GNB1L: variants seen among roughly 807,000 people sequenced by gnomAD.
GNB1L encodes the protein G protein subunit beta 1 like.
GNB1L carries 20 observed loss-of-function variants against 29.1 expected under a neutral mutation model. That is an observed-to-expected ratio of 0.69 (90% CI 0.48 to 1.00). GNB1L has a LOEUF of 1.00. GNB1L is among the 50% of genes least tolerant of loss of function. GNB1L has a pLI of 0.00. For synonymous variants in GNB1L, 193 were observed against 206.5 expected, an observed-to-expected ratio of 0.93 and a Z score of 0.56; for missense variants, 421 against 464.9, an observed-to-expected ratio of 0.91 and a Z score of 0.87.
intron 2 of GNB1L, chr22:19,846,499 C>A (rs1937964508): frequency 2.2e-5 from 22 of 985,332 alleles, no homozygotes; most frequent in South Asian, 1.4e-4. Flanking sequence ...CATGTGGAGA[C>A]CACAGAAGCC....
At chr22:19,835,976 A>G (rs1937758979) in intron 2 of GNB1L, among the ~76,000 whole-genome samples, 1 of 152,210 alleles carries the variant, frequency 6.6e-6, no homozygotes, top group South Asian at 2.1e-4. Context: ...TCTCCAAATC[A>G]ATGACCTGGT....
intron 2 of GNB1L, among the ~76,000 whole-genome samples, chr22:19,844,057 G>A (rs990070041): frequency 2.0e-5 from 3 of 152,158 alleles, no homozygotes; most frequent in Admixed American, 1.3e-4. Flanking sequence ...TCCAGAGACT[G>A]AGACCCACAG....
At chr22:19,834,440 C>T (rs1470274584) in intron 2 of GNB1L, among the ~76,000 whole-genome samples, 1 of 152,140 alleles carries the variant, frequency 6.6e-6, no homozygotes, top group Non-Finnish European at 1.5e-5. Flanking sequence ...ACATGTGGAA[C>T]TTCAAGAAGG....
intron 2 of GNB1L, among the ~76,000 whole-genome samples, chr22:19,845,223 T>C (rs1016361066): frequency 1.4e-4 from 22 of 152,224 alleles, no homozygotes; most frequent in Non-Finnish European, 2.5e-4. Context: ...GCTGTGCACA[T>C]GCTTACATAT....
At chr22:19,839,431 T>C (rs1448945546) in intron 2 of GNB1L, among the ~76,000 whole-genome samples, 2 of 152,140 alleles carry the variant, frequency 1.3e-5, no homozygotes, top group Non-Finnish European at 2.9e-5. Flanking sequence ...TGTACATATA[T>C]ACCTACGGGA....
chr22:19,843,939 T>C (rs182046379), intron 2 of GNB1L, among the ~76,000 whole-genome samples: 1 of 152,056 alleles, frequency 6.6e-6, no homozygotes, highest in East Asian at 1.9e-4. Context: ...TCCCCTAGGG[T>C]ATAGCTGCCC....
At chr22:19,807,878 T>A (rs1443832247) in intron 5 of GNB1L, among the ~76,000 whole-genome samples, 4 of 152,204 alleles carry the variant, frequency 2.6e-5, no homozygotes, top group African/African-American at 9.7e-5. Flanking sequence ...GAATCCCAGA[T>A]CTGCCACAGG....
chr22:19,822,922 T>G (rs1321678915), intron 2 of GNB1L, among the ~76,000 whole-genome samples: 1 of 152,188 alleles, frequency 6.6e-6, no homozygotes, highest in Non-Finnish European at 1.5e-5. Flanking sequence ...TATTCAGAGC[T>G]GGGGCAAAGG....
chr22:19,846,880 G>A, intron 2 of GNB1L: 1 of 957,020 alleles, frequency 1.0e-6, no homozygotes, highest in Non-Finnish European at 1.2e-6. Context: ...AAGTCCCCTA[G>A]CCTGCGGTCC....
At chr22:19,813,385 G>A (rs1937513941) in intron 4 of GNB1L, among the ~76,000 whole-genome samples, 1 of 152,168 alleles carries the variant, frequency 6.6e-6, no homozygotes, top group Non-Finnish European at 1.5e-5. Flanking sequence ...AGTGAGAAAT[G>A]CTTCAAAAAT....
At chr22:19,790,395 AT>A (rs1222820587) in intron 7 of GNB1L, among the ~76,000 whole-genome samples, 4 of 152,062 alleles carry the variant, frequency 2.6e-5, no homozygotes, top group African/African-American at 9.7e-5. Context: ...TCCCCGAGAG[AT>A]TATCTGAGAA....
chr22:19,815,988 T>C (rs1367572806), intron 4 of GNB1L, among the ~76,000 whole-genome samples: 2 of 152,192 alleles, frequency 1.3e-5, no homozygotes, highest in Non-Finnish European at 2.9e-5. Context: ...CCTAGCCCTG[T>C]GCACACAGGT....
intron 2 of GNB1L, among the ~76,000 whole-genome samples, chr22:19,839,035 G>T (rs892881907): frequency 5.3e-5 from 8 of 152,152 alleles, no homozygotes; most frequent in African/African-American, 1.4e-4. Flanking sequence ...AATCTCCAAA[G>T]AACTGAGTAA....
At position 19,821,248 on chromosome 22, in the gene GNB1L, C is replaced by A. The variant is rs780742354; in HGVS notation, c.108G>T (p.Gly36=). ...CTCACCCTGAGAAGAGGAGCGGGCG[C>A]CCCTGAGCCTGGGCTCCTTCGCAGA... The part of the protein sequence containing the change: ...LHFCEGAQAQ[G]RPLLFSGSQS... Residue 36 remains glycine, a synonymous_variant, in exon 3 of 8, where the codon GGG becomes GGT. Transcript: ENST00000329517. 1 of 1,611,996 alleles carries A rather than the reference C, an allele frequency of 6.2e-7. No homozygotes were observed. The highest frequency in any genetic ancestry group is 8.5e-7 in the Non-Finnish European group (1 of 1,178,982).
chr22:19,851,441 G>C, intron 2 of GNB1L: 1 of 1,614,046 alleles, frequency 6.2e-7, no homozygotes, highest in Non-Finnish European at 8.5e-7. Flanking sequence ...TGTAGAACTG[G>C]GCAGGACTGG....
intron 2 of GNB1L, chr22:19,851,052 T>C (rs1938081996): frequency 1.4e-6 from 2 of 1,451,728 alleles, no homozygotes; most frequent in South Asian, 3.0e-5. Flanking sequence ...TGCCCAGCTA[T>C]GGGGTCTGAA....
At chr22:19,846,881 C>A (rs1937974500) in intron 2 of GNB1L, 1 of 960,970 alleles carries the variant, frequency 1.0e-6, no homozygotes, top group Non-Finnish European at 1.2e-6. Flanking sequence ...AGTCCCCTAG[C>A]CTGCGGTCCT....
At chr22:19,851,291 G>C in intron 2 of GNB1L, 1 of 1,613,800 alleles carries the variant, frequency 6.2e-7, no homozygotes. Flanking sequence ...TGTTTTCTGG[G>C]GTTTTGGACC....
At chr22:19,837,998 G>A (rs1012917695) in intron 2 of GNB1L, among the ~76,000 whole-genome samples, 4 of 152,234 alleles carry the variant, frequency 2.6e-5, no homozygotes, top group Admixed American at 1.3e-4. Context: ...ATGCAGAGAC[G>A]CAGGAAGATA....
Sources: allele counts gnomAD v4.1 joint callset (sites outside exome capture counted in the v4.1 genomes callset), GRCh38; gene constraint gnomAD v4.1.1; transcripts MANE v1.5; gene names NCBI Gene and HGNC (gene_info 2026-07-23, HGNC 2026-07-21).